STRN: variants seen among roughly 807,000 people sequenced by gnomAD.
STRN encodes the protein protein phosphatase 2 regulatory subunit B'''alpha.
Under a neutral mutation model 96.3 loss-of-function variants are expected in STRN, and 53 were observed. That is an observed-to-expected ratio of 0.55 (90% CI 0.44 to 0.69). The LOEUF is 0.69. Among genes scored for constraint, STRN ranks in the 30% least tolerant of loss-of-function variants. STRN has a pLI of 0.00. For synonymous variants in STRN, 428 were observed against 355.9 expected (o/e 1.20, Z -2.28); for missense variants, 987 against 963.9 (o/e 1.02, Z -0.32).
chr2:36,931,328 T>A (rs1423636663), intron 1 of STRN, among the ~76,000 whole-genome samples: 1 of 152,074 alleles, frequency 6.6e-6, no homozygotes, highest in Non-Finnish European at 1.5e-5. Context: ...AATACCTACT[T>A]CCCATCAAGT....
chr2:36,961,633 C>A (rs1665032101), intron 1 of STRN, among the ~76,000 whole-genome samples: 1 of 152,148 alleles, frequency 6.6e-6, no homozygotes, highest in African/African-American at 2.4e-5. Context: ...CCTAACTAGT[C>A]CCCCTGCTGC....
chr2:36,950,436 G>A (rs985523915), intron 1 of STRN, among the ~76,000 whole-genome samples: 2 of 152,034 alleles, frequency 1.3e-5, no homozygotes, highest in African/African-American at 4.8e-5. Context: ...GGCTGGTCTC[G>A]AACTCCTGAC....
intron 3 of STRN, among the ~76,000 whole-genome samples, chr2:36,913,387 G>A (rs1202206580): frequency 6.6e-6 from 1 of 152,110 alleles, no homozygotes; most frequent in Non-Finnish European, 1.5e-5. Flanking sequence ...TCTTACCTCA[G>A]AAGCTCTGCT....
chr2:36,941,354 C>CA (rs1195066189), intron 1 of STRN, among the ~76,000 whole-genome samples: 5 of 152,106 alleles, frequency 3.3e-5, no homozygotes, highest in African/African-American at 1.2e-4. Context: ...AAATACAACC[C>CA]AAGAACACCA....
chr2:36,902,668 T>C lies in STRN; in HGVS notation c.575A>G (p.Asp192Gly). The C allele has an allele frequency of 6.2e-7, 1 of 1,612,400 alleles. No homozygotes were observed. The highest frequency in any genetic ancestry group is 8.5e-7 in the Non-Finnish European group (1 of 1,178,806). ...RVRALLGFSS[D>G]VTDREDDKNQ... ...TTTGTCATCTTCCCTGTCCGTGACA[T>C]CACTTGAAAAGCCCAACAAAGCTCG... The change falls in exon 5 of 18, where the codon GAT (aspartate) becomes GGT (glycine). Residue 192 changes from aspartate (D) to glycine (G), a missense_variant. Asp to Gly is a moderately conservative substitution (Grantham distance 94, BLOSUM62 -1). Transcript: ENST00000263918.
chr2:36,899,990 G>C (rs949555722), intron 5 of STRN, among the ~76,000 whole-genome samples: 2 of 152,084 alleles, frequency 1.3e-5, no homozygotes, highest in Non-Finnish European at 2.9e-5. Context: ...CCAGGTTCAT[G>C]CAATTCTCCA....
intron 12 of STRN, among the ~76,000 whole-genome samples, chr2:36,866,138 G>A (rs1157830701): frequency 1.3e-5 from 2 of 152,008 alleles, no homozygotes; most frequent in Admixed American, 6.6e-5. Flanking sequence ...GCAGTGGCAT[G>A]ACCTCAGCTC....
chr2:36,966,399 T>C lies in STRN; in HGVS notation c.65A>G (p.Lys22Arg), dbSNP rs1243558745. 1.4e-6 allele frequency: 2 copies of C among 1,459,588 alleles called. No individual in the cohort carries two copies. The highest frequency in any genetic ancestry group is 1.8e-6 in the Non-Finnish European group (2 of 1,107,092). 90.4% of individuals were successfully genotyped at this position (1,459,588 alleles called of 1,614,324 possible). A position where few individuals can be genotyped will look rare whatever the true frequency, so the allele number is the denominator to read the frequency against. The change falls in exon 1 of 18, where the codon AAG (lysine) becomes AGG (arginine). Residue 22 changes from lysine to arginine, a missense_variant. Transcript: ENST00000263918. ...AGCCTCCGCCAGAGGCCCGAGCCCC[T>C]TGGCACCGCCGGCGCCCGGGTGGTT... ...SNNHPGAGGAKGLGPLAEAAA... is the reference protein window; with the variant it reads ...SNNHPGAGGARGLGPLAEAAA...
chr2:36,873,557 C>T (rs762535124), intron 10 of STRN, among the ~76,000 whole-genome samples: 14 of 151,666 alleles, frequency 9.2e-5, no homozygotes, highest in Non-Finnish European at 1.5e-4. Flanking sequence ...AAGATTCTGT[C>T]TCAAAAAAAT....
At chr2:36,961,000 A>T (rs1212769039) in intron 1 of STRN, among the ~76,000 whole-genome samples, 1 of 151,860 alleles carries the variant, frequency 6.6e-6, no homozygotes, top group Non-Finnish European at 1.5e-5. Flanking sequence ...GGGCTCAAGC[A>T]ATCCTCCCAT....
chr2:36,927,273 C>T (rs938523944), intron 1 of STRN, among the ~76,000 whole-genome samples: 4 of 151,948 alleles, frequency 2.6e-5, no homozygotes, highest in African/African-American at 9.7e-5. Context: ...TTTGGGAGGC[C>T]GAGGCGGGTG....
chr2:36,864,049 C>G (rs754372800), intron 12 of STRN, among the ~76,000 whole-genome samples: 3 of 152,132 alleles, frequency 2.0e-5, no homozygotes, highest in African/African-American at 7.2e-5. Context: ...GATCTGGGAG[C>G]TTTTGGGAAG....
chr2:36,937,791 A>T (rs1670744492), intron 1 of STRN, among the ~76,000 whole-genome samples: 4 of 152,222 alleles, frequency 2.6e-5, no homozygotes, highest in Admixed American at 2.6e-4. Context: ...TATCTTGAAA[A>T]GATAGTTTAG....
intron 1 of STRN, among the ~76,000 whole-genome samples, chr2:36,937,070 A>G (rs1231228194): frequency 6.6e-6 from 1 of 152,178 alleles, no homozygotes; most frequent in East Asian, 1.9e-4. Context: ...AGGGCCGGAA[A>G]CGGTGGCTCA....
At chr2:36,892,525 A>G (rs1444026348) in intron 7 of STRN, among the ~76,000 whole-genome samples, 1 of 152,360 alleles carries the variant, frequency 6.6e-6, no homozygotes, top group East Asian at 1.9e-4. Context: ...AACACTCAAT[A>G]TTGAAAAGAT....
In STRN at chr2:36,948,346, C is replaced by T. The variant is rs1014968322; in HGVS notation, c.234+17884G>A. 6.6e-5 allele frequency among the ~76,000 whole-genome samples: 10 copies of T among 151,920 alleles called. No homozygotes were observed. In the East Asian group the frequency reaches 1.7e-3, roughly 26 times the overall value. On this transcript the variant is annotated intron_variant, in intron 1 of 17. Coordinates refer to ENST00000263918, the MANE Select transcript of STRN (RefSeq NM_003162.4). ...AACTCCTGACCTCAGGTGATCCGCC[C>T]GCCTCGGCCTCTCAAAGTGCTGGGA...
At chr2:36,937,342 CAAAA>C (rs59891421) in intron 1 of STRN, among the ~76,000 whole-genome samples, 6 of 107,688 alleles carry the variant, frequency 5.6e-5, no homozygotes, top group Non-Finnish European at 9.8e-5. Context: ...GAGACTGTCT[CAAAA>C]AAAAAAAAAA....
At chr2:36,892,495 G>GT (rs1160080111) in intron 7 of STRN, among the ~76,000 whole-genome samples, 1 of 152,168 alleles carries the variant, frequency 6.6e-6, no homozygotes, top group Non-Finnish European at 1.5e-5. Flanking sequence ...TTTGGGACAT[G>GT]TATCTTTTTT....
At chr2:36,929,357 A>G (rs1385366344) in intron 1 of STRN, among the ~76,000 whole-genome samples, 1 of 152,196 alleles carries the variant, frequency 6.6e-6, no homozygotes, top group Non-Finnish European at 1.5e-5. Flanking sequence ...TTTAAAATGC[A>G]CCATTTAATT....
Sources: gnomAD v4.1 joint callset for allele counts (sites outside exome capture counted in the v4.1 genomes callset) on GRCh38, gnomAD v4.1.1 for gene constraint, MANE v1.5 for transcripts, NCBI Gene and HGNC (gene_info 2026-07-23, HGNC 2026-07-21) for gene names.